The following DHRS4L2 variants were observed in gnomAD, a reference collection of about 807,000 sequenced individuals.
DHRS4L2 encodes the protein dehydrogenase/reductase SDR family member 4-like 2.
DHRS4L2 carries 22 observed loss-of-function variants against 23.9 expected under a neutral mutation model. That is an observed-to-expected ratio of 0.92 (90% CI 0.66 to 1.31). The LOEUF (loss-of-function observed/expected upper bound fraction) is 1.31, where lower values mean the gene tolerates loss of function less well. Ranked by LOEUF, DHRS4L2 falls within the 40% of genes most tolerant of loss-of-function variation. The probability of loss-of-function intolerance (pLI) is 0.00; values close to 1 mark genes in which losing one functional copy is unlikely to be tolerated. For missense variants in DHRS4L2, 385 were observed against 303.3 expected, an observed-to-expected ratio of 1.27 and a Z score of -2.00; for synonymous variants, 141 against 123.7, an observed-to-expected ratio of 1.14 and a Z score of -0.93.
At chr14:23,976,258 C>T (rs558116056) in intron 1 of DHRS4L2, among the ~76,000 whole-genome samples, 8 of 151,458 alleles carry the variant, frequency 5.3e-5, no homozygotes, top group African/African-American at 1.9e-4. Context: ...AATAAATTTA[C>T]AAGAAAAAAA....
At chr14:23,993,355 G>T (rs2034307220) in intron 2 of DHRS4L2, among the ~76,000 whole-genome samples, 1 of 151,688 alleles carries the variant, frequency 6.6e-6, no homozygotes, top group African/African-American at 2.4e-5. Flanking sequence ...GACAAACCCA[G>T]CATTCCTTCC....
At chr14:24,001,796 T>A in intron 6 of DHRS4L2, among the ~76,000 whole-genome samples, 1 of 107,604 alleles carries the variant, frequency 9.3e-6, no homozygotes, top group African/African-American at 5.5e-5. Context: ...GCAAAATGCA[T>A]CACTAGAACC....
chr14:23,990,852 G>A lies in DHRS4L2; in HGVS notation c.306+493G>A, dbSNP rs980136081. On this transcript the variant is annotated intron_variant, in intron 2 of 7. Transcript: ENST00000335125. ...CTATTCTCTCAGTCTGCAGACCCTG[G>A]CTCAGATAGCTGGAGCAACTTCCCA... The A allele has an allele frequency of 1.8e-5, 9 of 509,550 alleles. No individual in the cohort carries two copies. The African/African-American group carries it at 1.9e-4, about 11-fold the overall frequency. 31.6% of individuals were successfully genotyped at this position (509,550 alleles called of 1,614,324 possible).
chr14:23,971,784 A>G (rs1481143941), intron 1 of DHRS4L2, among the ~76,000 whole-genome samples: 4 of 152,112 alleles, frequency 2.6e-5, no homozygotes, highest in Non-Finnish European at 5.9e-5. Context: ...ATGCTGAGAG[A>G]TTTTGTCACC....
At chr14:23,970,350 G>C (rs1280557997) in intron 1 of DHRS4L2, 1 of 420,230 alleles carries the variant, frequency 2.4e-6, no homozygotes, top group Non-Finnish European at 4.8e-6. Flanking sequence ...GGAGAGGGCG[G>C]TGGGGGGCGG....
At chr14:23,988,211 C>T (rs920500587), upstream of DHRS4L2, among the ~76,000 whole-genome samples, 1 of 150,086 alleles carries the variant, frequency 6.7e-6, no homozygotes, top group Non-Finnish European at 1.5e-5. Flanking sequence ...CTTGAGTGCC[C>T]CGAGTTCTTT....
At chr14:23,973,531 C>A (rs1470197509) in intron 1 of DHRS4L2, among the ~76,000 whole-genome samples, 1 of 151,620 alleles carries the variant, frequency 6.6e-6, no homozygotes, top group Non-Finnish European at 1.5e-5. Context: ...CAGCACACTG[C>A]CACCTCTCAA....
At chr14:23,970,687 A>G (rs1594446779) in intron 1 of DHRS4L2, among the ~76,000 whole-genome samples, 1 of 152,044 alleles carries the variant, frequency 6.6e-6, no homozygotes, top group African/African-American at 2.4e-5. Context: ...CCTGACCCCC[A>G]TGTAGCTTGA....
upstream of DHRS4L2, among the ~76,000 whole-genome samples, chr14:23,986,473 G>A (rs541080687): frequency 3.3e-5 from 5 of 149,766 alleles, no homozygotes; most frequent in South Asian, 2.1e-4. Context: ...AAACCTGCAC[G>A]TTGTACACGT....
At chr14:23,998,400 C>T (rs953709483) in intron 3 of DHRS4L2, among the ~76,000 whole-genome samples, 1 of 150,370 alleles carries the variant, frequency 6.7e-6, no homozygotes, top group African/African-American at 2.4e-5. Context: ...TTGACTTCTC[C>T]TCTCTAGCTA....
intron 6 of DHRS4L2, among the ~76,000 whole-genome samples, chr14:24,002,059 C>A (rs2034502560): frequency 1.0e-5 from 1 of 99,066 alleles, no homozygotes; most frequent in Non-Finnish European, 1.8e-5. Flanking sequence ...TATACATGTG[C>A]CATGCTGGTG....
At chr14:23,985,394 G>C (rs113281926), upstream of DHRS4L2, among the ~76,000 whole-genome samples, 137 of 151,792 alleles carry the variant, frequency 9.0e-4, no homozygotes, top group Middle Eastern at 3.4e-3. Flanking sequence ...CTGCTTGGCA[G>C]TTGTCCTAAT....
At chr14:23,992,930 T>A (rs1029005749) in intron 2 of DHRS4L2, among the ~76,000 whole-genome samples, 2 of 147,156 alleles carry the variant, frequency 1.4e-5, no homozygotes, top group African/African-American at 2.5e-5. Flanking sequence ...TCCTCCCCAC[T>A]GGGCCTACCA....
chr14:23,987,874 G>T (rs1169042163), upstream of DHRS4L2, among the ~76,000 whole-genome samples: 1 of 150,246 alleles, frequency 6.7e-6, no homozygotes, highest in South Asian at 2.1e-4. Context: ...GTCTGTTGCG[G>T]CCTTTCTACA....
At chr14:23,977,054 G>C (rs767763051) in intron 1 of DHRS4L2, among the ~76,000 whole-genome samples, 9 of 151,736 alleles carry the variant, frequency 5.9e-5, no homozygotes, top group Non-Finnish European at 1.0e-4. Context: ...GTATACCTAT[G>C]TAAAAAACCT....
intron 5 of DHRS4L2, 131 bp from the exon 6 acceptor site, chr14:24,001,253 C>A (rs2034482269): frequency 6.4e-7 from 1 of 1,567,752 alleles, no homozygotes; most frequent in South Asian, 1.2e-5. Context: ...GAGGTTTAGC[C>A]ACAAGACAGT....
At chr14:23,989,479 C>T (rs1474203289) in intron 1 of DHRS4L2, among the ~76,000 whole-genome samples, 1 of 151,330 alleles carries the variant, frequency 6.6e-6, no homozygotes, top group Non-Finnish European at 1.5e-5. Context: ...GAAAGTGTCC[C>T]GGAACCCCTC....
chr14:23,993,299 A>G (rs1212846569), intron 2 of DHRS4L2, among the ~76,000 whole-genome samples: 86 of 151,852 alleles, frequency 5.7e-4, no homozygotes, highest in Non-Finnish European at 8.4e-4. Context: ...ATTAATACCG[A>G]TTTTAAAAGA....
chr14:23,985,417 C>T (rs547552817), upstream of DHRS4L2, among the ~76,000 whole-genome samples: 1 of 151,830 alleles, frequency 6.6e-6, no homozygotes, highest in Admixed American at 6.6e-5. Context: ...CACACCAGCC[C>T]TTCCACATAG....
Sources: allele counts gnomAD v4.1 joint callset (sites outside exome capture counted in the v4.1 genomes callset), GRCh38; gene constraint gnomAD v4.1.1; transcripts MANE v1.5; gene names NCBI Gene and HGNC (gene_info 2026-07-23, HGNC 2026-07-21).